The following GRIK4 variants were observed in gnomAD, a reference collection of about 807,000 sequenced individuals.
GRIK4 encodes the protein glutamate ionotropic receptor kainate type subunit 4, also known as glutamate receptor ionotropic, kainate 4.
GRIK4 carries 40 observed loss-of-function variants against 104.9 expected under a neutral mutation model. The ratio of observed to expected loss-of-function variants is 0.38; its 90% CI spans 0.30 to 0.50. The LOEUF is 0.50. Ranked by LOEUF, GRIK4 falls within the 20% of genes least tolerant of loss-of-function variation. The pLI is 0.93. For missense variants in GRIK4, 1,047 were observed against 1,308.1 expected (o/e 0.80, Z 3.08); for synonymous variants, 485 against 524.9 (o/e 0.92, Z 1.04).
intron 4 of GRIK4, among the ~76,000 whole-genome samples, chr11:120,814,669 G>A (rs1436318460): frequency 6.6e-6 from 1 of 150,684 alleles, no homozygotes; most frequent in Non-Finnish European, 1.5e-5. Flanking sequence ...TCCCGGACAG[G>A]TGAGCGAGTG....
intron 1 of GRIK4, among the ~76,000 whole-genome samples, chr11:120,636,134 G>A (rs1169963735): frequency 1.3e-5 from 2 of 152,182 alleles, no homozygotes; most frequent in Non-Finnish European, 2.9e-5. Flanking sequence ...GTTCCGTTGT[G>A]TGAATATACT....
At chr11:120,925,075 T>C (rs752806113) in intron 13 of GRIK4, among the ~76,000 whole-genome samples, 1 of 152,110 alleles carries the variant, frequency 6.6e-6, no homozygotes, top group Non-Finnish European at 1.5e-5. Flanking sequence ...AGCTGGGGCC[T>C]CCATTCTGTC....
chr11:120,664,108 G>C (rs1416263337), intron 3 of GRIK4, among the ~76,000 whole-genome samples: 1 of 152,166 alleles, frequency 6.6e-6, no homozygotes, highest in East Asian at 1.9e-4. Context: ...ATGAATCCAT[G>C]GTTCTTGCAA....
intron 3 of GRIK4, among the ~76,000 whole-genome samples, chr11:120,784,432 T>G (rs866027727): frequency 6.6e-6 from 1 of 152,168 alleles, no homozygotes; most frequent in Non-Finnish European, 1.5e-5. Flanking sequence ...TTCTAATCTG[T>G]CATTTTCTCC....
At position 120,982,161 on chromosome 11, in the gene GRIK4, C is replaced by T. The variant is rs751858055; in HGVS notation, c.2451C>T (p.Ile817=). 3.7e-6 allele frequency: 6 copies of T among 1,613,446 alleles called. No homozygotes were observed. The East Asian group carries it at 6.7e-5, about 18-fold the overall frequency. ...TTGTGGTTCTTATTTGTGGCTTAATCGTGGCCATTTTTATGGCTATGTTGG... is the reference window on the plus strand; with the variant it reads ...TTGTGGTTCTTATTTGTGGCTTAATTGTGGCCATTTTTATGGCTATGTTGG... ...GIFVVLICGL[I]VAIFMAMLEF... Residue 817 remains isoleucine (I), a synonymous_variant, in exon 20 of 21, where the codon ATC becomes ATT. Transcript: ENST00000527524.
intron 11 of GRIK4, among the ~76,000 whole-genome samples, chr11:120,893,754 C>T (rs1192433842): frequency 6.6e-6 from 1 of 152,218 alleles, no homozygotes; most frequent in African/African-American, 2.4e-5. Flanking sequence ...TGTGTTTACA[C>T]CACAGAAATT....
intron 19 of GRIK4, among the ~76,000 whole-genome samples, chr11:120,970,590 T>C (rs1944458659): frequency 6.6e-6 from 1 of 152,018 alleles, no homozygotes; most frequent in Non-Finnish European, 1.5e-5. Context: ...GTGTATTGAT[T>C]TGCATCTCCT....
chr11:120,969,368 C>T lies in GRIK4; in HGVS notation c.2395+2045C>T, dbSNP rs12273041. On this transcript the variant is annotated intron_variant, in intron 19 of 20. Transcript: ENST00000527524. ...GCCCAGGACCTGAATAGGTCGACAC[C>T]GTGGGAGGAGGGCATTGCAGGCAGA... Among the ~76,000 whole-genome samples the T allele has an allele frequency of 6.2e-3, 937 of 152,122 alleles. 10 individuals are homozygous for T. Among genetic ancestry groups the T allele is most frequent in the African/African-American group, 0.022 (894 of 41,482 alleles).
intron 1 of GRIK4, among the ~76,000 whole-genome samples, chr11:120,527,405 A>T (rs1378911687): frequency 6.6e-6 from 1 of 152,160 alleles, no homozygotes; most frequent in Non-Finnish European, 1.5e-5. Context: ...TCACTCAGTT[A>T]AAACCCCTCA....
intron 3 of GRIK4, among the ~76,000 whole-genome samples, chr11:120,723,402 C>G (rs1352790629): frequency 6.6e-6 from 1 of 152,194 alleles, no homozygotes; most frequent in Non-Finnish European, 1.5e-5. Context: ...GAGAGGTATT[C>G]TAGTTATCCC....
At chr11:120,915,138 C>A (rs541974318) in intron 13 of GRIK4, among the ~76,000 whole-genome samples, 68 of 152,206 alleles carry the variant, frequency 4.5e-4, no homozygotes, top group South Asian at 6.3e-4. Flanking sequence ...TGCCACATAG[C>A]GATCCCTGCA....
chr11:120,611,137 A>G (rs763004914), intron 1 of GRIK4, among the ~76,000 whole-genome samples: 5 of 152,280 alleles, frequency 3.3e-5, no homozygotes, highest in South Asian at 2.1e-4. Flanking sequence ...GCAGAGATCT[A>G]GGGACTCTGG....
At chr11:120,879,184 G>T (rs73584422) in intron 11 of GRIK4, among the ~76,000 whole-genome samples, 1 of 152,138 alleles carries the variant, frequency 6.6e-6, no homozygotes, top group Non-Finnish European at 1.5e-5. Flanking sequence ...CCGTGCTCTC[G>T]GATCCCCCAC....
chr11:120,923,029 G>A (rs1445439538), intron 13 of GRIK4, among the ~76,000 whole-genome samples: 5 of 152,228 alleles, frequency 3.3e-5, no homozygotes, highest in Admixed American at 1.3e-4. Flanking sequence ...CACCCTGCAC[G>A]GACCTGCCGT....
chr11:120,596,503 A>C (rs1009265945), intron 1 of GRIK4, among the ~76,000 whole-genome samples: 2 of 152,140 alleles, frequency 1.3e-5, no homozygotes, highest in African/African-American at 4.8e-5. Flanking sequence ...AAGCCAGCAA[A>C]ATTATTTCCA....
At chr11:120,828,272 A>C (rs1953321746) in intron 6 of GRIK4, among the ~76,000 whole-genome samples, 1 of 152,222 alleles carries the variant, frequency 6.6e-6, no homozygotes, top group Non-Finnish European at 1.5e-5. Flanking sequence ...ATATACACAC[A>C]CATCTATGCA....
intron 3 of GRIK4, among the ~76,000 whole-genome samples, chr11:120,760,788 A>G (rs949588690): frequency 1.3e-5 from 2 of 151,730 alleles, no homozygotes; most frequent in Non-Finnish European, 2.9e-5. Flanking sequence ...TTCTTTTTTT[A>G]TGGCTACACA....
intron 3 of GRIK4, among the ~76,000 whole-genome samples, chr11:120,708,544 C>T (rs988794431): frequency 2.0e-5 from 3 of 152,066 alleles, no homozygotes; most frequent in African/African-American, 7.2e-5. Flanking sequence ...GGGTATTTTT[C>T]CTTTTGCATC....
In GRIK4 at chr11:120,524,417, G is replaced by A. The variant is rs1947836133; in HGVS notation, c.-159+12530G>A. Among the ~76,000 whole-genome samples, 1 of 152,184 alleles carries A rather than the reference G, an allele frequency of 6.6e-6. No homozygotes were observed. Among genetic ancestry groups the A allele is most frequent in the Non-Finnish European group, 1.5e-5 (1 of 68,032 alleles). ...ACTCGCAGATGTATGGGATTGAAAA[G>A]TCAATTGTGTGATCTTAAAACACAT... On this transcript the variant is annotated intron_variant, in intron 1 of 20. Coordinates refer to ENST00000527524, the MANE Select transcript of GRIK4 (RefSeq NM_014619.5). This position sits in a 1 kb window ranked among gnomAD's most constrained non-coding sequence, Gnocchi z 4.5.
Sources: allele counts gnomAD v4.1 joint callset (sites outside exome capture counted in the v4.1 genomes callset), GRCh38; gene constraint gnomAD v4.1.1; non-coding constraint Gnocchi (gnomAD v3.1); transcripts MANE v1.5; gene names NCBI Gene and HGNC (gene_info 2026-07-23, HGNC 2026-07-21).